The following SYT14 variants were observed in gnomAD, a reference collection of about 807,000 sequenced individuals.
The protein encoded by SYT14 is synaptotagmin 14.
SYT14 carries 32 observed loss-of-function variants against 74.2 expected under a neutral mutation model. The observed-to-expected ratio is 0.43, with a 90% CI of 0.33 to 0.58. The LOEUF is 0.58. Among genes scored for constraint, SYT14 ranks in the 20% least tolerant of loss-of-function variants. The pLI is 0.05. For missense variants in SYT14, 791 were observed against 981.8 expected, an observed-to-expected ratio of 0.81 and a Z score of 2.60; for synonymous variants, 298 against 337.7, an observed-to-expected ratio of 0.88 and a Z score of 1.29.
chr1:209,944,072 A>G (rs1473910398), intron 1 of SYT14, among the ~76,000 whole-genome samples: 1 of 152,214 alleles, frequency 6.6e-6, no homozygotes, highest in Non-Finnish European at 1.5e-5. Context: ...GGTATTCAAG[A>G]TATTATTTTG....
intron 4 of SYT14, among the ~76,000 whole-genome samples, chr1:210,020,200 G>A (rs1027903914): frequency 6.6e-6 from 1 of 152,024 alleles, no homozygotes; most frequent in South Asian, 2.1e-4. Flanking sequence ...TTCCCTGAGA[G>A]TTCTTTTAAA....
chr1:210,094,307 C>A lies in SYT14; in HGVS notation c.1313-15C>A. ...GCTAATTGGAAACAGTGACCAGATT[C>A]TTAATCATTATCAGGAAACTGCATT... is the stretch of plus-strand genomic sequence containing the variant. On this transcript the variant is annotated splice_polypyrimidine_tract_variant and intron_variant, in intron 5 of 9. Transcript: ENST00000637265. 1 of 1,613,690 alleles carries A rather than the reference C, an allele frequency of 6.2e-7. No homozygotes were observed. Among genetic ancestry groups the A allele is most frequent in the Non-Finnish European group, 8.5e-7 (1 of 1,179,748 alleles).
chr1:210,021,966 G>T (rs997511527), intron 5 of SYT14, among the ~76,000 whole-genome samples: 4 of 152,036 alleles, frequency 2.6e-5, no homozygotes, highest in African/African-American at 9.7e-5. Context: ...GACAGATTTT[G>T]CCATTAATTA....
intron 7 of SYT14, among the ~76,000 whole-genome samples, chr1:210,133,709 G>A (rs892638632): frequency 1.3e-5 from 2 of 152,110 alleles, no homozygotes; most frequent in Admixed American, 6.5e-5. Context: ...CAAGGTGGAG[G>A]TGAATAAAAA....
intron 5 of SYT14, among the ~76,000 whole-genome samples, chr1:210,026,530 A>G (rs2080415105): frequency 6.6e-6 from 1 of 151,316 alleles, no homozygotes; most frequent in South Asian, 2.1e-4. Flanking sequence ...TACATTATTT[A>G]TTTTGGGAGC....
chr1:210,161,119 A>G (rs774651857), exon 10 of SYT14: 1 of 1,475,834 alleles, frequency 6.8e-7, no homozygotes, highest in Admixed American at 1.7e-5. Context: ...ACCAAGTCCC[A>G]TTAGAAGAGC....
chr1:210,069,314 T>A (rs1433571696), intron 5 of SYT14, among the ~76,000 whole-genome samples: 1 of 152,026 alleles, frequency 6.6e-6, no homozygotes. Flanking sequence ...TCAACTCATC[T>A]GCTGTATCTT....
intron 1 of SYT14, among the ~76,000 whole-genome samples, chr1:209,940,803 T>A (rs930145713): frequency 6.6e-5 from 10 of 152,158 alleles, no homozygotes; most frequent in African/African-American, 2.2e-4. Flanking sequence ...TGATCTGTAG[T>A]TGTATGTTTT....
At chr1:210,013,699 T>C in exon 3 of SYT14, 1 of 1,613,204 alleles carries the variant, frequency 6.2e-7, no homozygotes, top group Non-Finnish European at 8.5e-7. Flanking sequence ...CTGCTCCTTT[T>C]TCTCTATATT....
chr1:210,039,953 A>G (rs999357224), intron 5 of SYT14, among the ~76,000 whole-genome samples: 1 of 152,198 alleles, frequency 6.6e-6, no homozygotes. Flanking sequence ...GCGTTCAACC[A>G]TTGTGGAAGA....
chr1:209,980,818 G>T (rs1572105637), intron 2 of SYT14, among the ~76,000 whole-genome samples: 1 of 152,152 alleles, frequency 6.6e-6, no homozygotes, highest in African/African-American at 2.4e-5. Flanking sequence ...GTCTGTTCTT[G>T]TACCAGTACC....
chr1:210,106,044 A>C (rs914240711), intron 7 of SYT14, among the ~76,000 whole-genome samples: 1 of 152,212 alleles, frequency 6.6e-6, no homozygotes, highest in Non-Finnish European at 1.5e-5. Context: ...TTTTAACAAC[A>C]TAAGAATGGC....
chr1:209,952,825 G>T, intron 2 of SYT14, 69 bp downstream of exon 2: 1 of 1,395,778 alleles, frequency 7.2e-7, no homozygotes, highest in Middle Eastern at 2.4e-4. Flanking sequence ...ATAGATTTTA[G>T]TAGGATGGCG....
intron 2 of SYT14, among the ~76,000 whole-genome samples, chr1:209,969,422 C>CT (rs1298500587): frequency 2.0e-5 from 3 of 151,046 alleles, no homozygotes; most frequent in African/African-American, 7.3e-5. Flanking sequence ...TTTGTTTTTA[C>CT]TTTTTAATAA....
At chr1:210,044,419 T>A (rs1480008358) in intron 5 of SYT14, among the ~76,000 whole-genome samples, 1 of 152,206 alleles carries the variant, frequency 6.6e-6, no homozygotes, top group Admixed American at 6.5e-5. Context: ...ACTTCAACTT[T>A]TTACTCCATT....
intron 5 of SYT14, among the ~76,000 whole-genome samples, chr1:210,058,738 A>G (rs564590172): frequency 1.3e-5 from 2 of 152,342 alleles, no homozygotes; most frequent in South Asian, 4.1e-4. Context: ...GCATGCAAAC[A>G]GTAAGGCAGT....
intron 2 of SYT14, among the ~76,000 whole-genome samples, chr1:210,012,709 T>C (rs538335407): frequency 7.0e-6 from 1 of 143,168 alleles, no homozygotes; most frequent in African/African-American, 2.6e-5. Context: ...TCTTTCTTTC[T>C]TTTTTTTTTT....
intron 2 of SYT14, among the ~76,000 whole-genome samples, chr1:210,001,579 G>C (rs894391049): frequency 6.6e-6 from 1 of 152,010 alleles, no homozygotes; most frequent in African/African-American, 2.4e-5. Context: ...ATGCTAGTAT[G>C]GGAAGACAGA....
At chr1:210,101,111 A>G (rs1308030469) in intron 7 of SYT14, among the ~76,000 whole-genome samples, 1 of 152,072 alleles carries the variant, frequency 6.6e-6, no homozygotes, top group Non-Finnish European at 1.5e-5. Flanking sequence ...CTGTCTTCAT[A>G]TTTTTAACTA....
Sources: gnomAD v4.1 joint callset for allele counts (sites outside exome capture counted in the v4.1 genomes callset) on GRCh38, gnomAD v4.1.1 for gene constraint, MANE v1.5 for transcripts, NCBI Gene and HGNC (gene_info 2026-07-23, HGNC 2026-07-21) for gene names.